The following TENM3 variants were observed in gnomAD, a reference collection of about 807,000 sequenced individuals.
The protein encoded by TENM3 is teneurin transmembrane protein 3, also known as teneurin-3.
Under a neutral mutation model 255.1 loss-of-function variants are expected in TENM3, and 63 were observed. The observed-to-expected ratio is 0.25, with a 90% CI of 0.20 to 0.30. The LOEUF is 0.30. Among genes scored for constraint, TENM3 ranks in the 10% least tolerant of loss-of-function variants. The pLI, the probability that TENM3 is intolerant of heterozygous loss-of-function variation, is 1.00. For missense variants in TENM3, 2,929 were observed against 3,461.1 expected, an observed-to-expected ratio of 0.85 and a Z score of 3.86; for synonymous variants, 1,306 against 1,322.3, an observed-to-expected ratio of 0.99 and a Z score of 0.27.
intron 1 of TENM3, among the ~76,000 whole-genome samples, chr4:182,233,740 G>C (rs1265621260): frequency 6.6e-6 from 1 of 152,194 alleles, no homozygotes; most frequent in Non-Finnish European, 1.5e-5. Flanking sequence ...CAATGTCCTA[G>C]GTGACAAGAT....
At chr4:181,515,207 T>G in the TENM3 span, among the ~76,000 whole-genome samples, 1 of 152,232 alleles carries the variant, frequency 6.6e-6, no homozygotes, top group Non-Finnish European at 1.5e-5. Flanking sequence ...TTGCCTCTGC[T>G]TTCCCCCGGC....
At chr4:181,459,304 A>G in the TENM3 span, among the ~76,000 whole-genome samples, 1 of 151,988 alleles carries the variant, frequency 6.6e-6, no homozygotes. Flanking sequence ...CCAGAGCATG[A>G]CTTGCCTTTT....
rs762401205 is a variant in TENM3, at chr4:182,737,091, A to G, written c.3235+16A>G. ...GAAGCTGTTGGTAAGTTCCATATAA[A>G]TCTTTGCTGCAGTGAAGTTTTTCTC... On this transcript the variant is annotated intron_variant, in intron 17 of 27. Coordinates refer to ENST00000511685, the MANE Select transcript of TENM3 (RefSeq NM_001080477.4). The G allele has an allele frequency of 6.2e-7, 1 of 1,602,404 alleles. No homozygotes were observed. The highest frequency in any genetic ancestry group is 8.5e-7 in the Non-Finnish European group (1 of 1,175,012).
At chr4:181,504,639 G>A in the TENM3 span, among the ~76,000 whole-genome samples, 2 of 152,140 alleles carry the variant, frequency 1.3e-5, no homozygotes, top group African/African-American at 4.8e-5. Context: ...CCAGTTAGCT[G>A]AATAGGCTTC....
chr4:182,532,292 A>G (rs1739854159), intron 3 of TENM3, among the ~76,000 whole-genome samples: 2 of 152,168 alleles, frequency 1.3e-5, no homozygotes, highest in Admixed American at 1.3e-4. Flanking sequence ...AAAACCTACC[A>G]TTTTGAAGAT....
At chr4:182,447,718 TTGTGA>T (rs1357432346) in intron 3 of TENM3, among the ~76,000 whole-genome samples, 1 of 152,170 alleles carries the variant, frequency 6.6e-6, no homozygotes, top group African/African-American at 2.4e-5. Flanking sequence ...GATACTGGTA[TTGTGA>T]TGTAAGGTGC....
chr4:181,544,402 C>G, the TENM3 span, among the ~76,000 whole-genome samples: 1 of 57,334 alleles, frequency 1.7e-5, no homozygotes, highest in African/African-American at 6.3e-5. Flanking sequence ...TTCTTTCCTT[C>G]AGGATTAAAA....
chr4:181,705,441 G>A, the TENM3 span, among the ~76,000 whole-genome samples: 1 of 152,182 alleles, frequency 6.6e-6, no homozygotes, highest in African/African-American at 2.4e-5. Context: ...GCAGGACAAA[G>A]TATAACTAAC....
At chr4:181,526,842 A>G in the TENM3 span, among the ~76,000 whole-genome samples, 1 of 152,108 alleles carries the variant, frequency 6.6e-6, no homozygotes, top group South Asian at 2.1e-4. Flanking sequence ...TTTTTCTCCG[A>G]GCTTCTCTCT....
At chr4:181,483,250 GT>G in the TENM3 span, among the ~76,000 whole-genome samples, 59 of 151,968 alleles carry the variant, frequency 3.9e-4, no homozygotes, top group African/African-American at 1.4e-3. Flanking sequence ...TTGGGAACGT[GT>G]TTTTTTAATT....
At chr4:181,931,877 T>C in the TENM3 span, among the ~76,000 whole-genome samples, 8 of 152,146 alleles carry the variant, frequency 5.3e-5, no homozygotes, top group Admixed American at 5.2e-4. Context: ...TCTACAACCA[T>C]CTGATCTTTG....
At chr4:181,723,228 C>A in the TENM3 span, among the ~76,000 whole-genome samples, 14 of 151,094 alleles carry the variant, frequency 9.3e-5, 1 homozygote, top group South Asian at 3.0e-3. Context: ...AGTCAGCCCT[C>A]GGAATTGTCT....
chr4:182,286,839 A>G (rs1475203990), intron 1 of TENM3, among the ~76,000 whole-genome samples: 1 of 151,954 alleles, frequency 6.6e-6, no homozygotes, highest in Non-Finnish European at 1.5e-5. Context: ...CGTGTGGTCC[A>G]CTCTACACTT....
chr4:182,592,178 G>A (rs1054809271), intron 3 of TENM3, among the ~76,000 whole-genome samples: 11 of 148,370 alleles, frequency 7.4e-5, no homozygotes, highest in Admixed American at 1.3e-4. Context: ...TAAAGGAATG[G>A]ATTATAATAC....
chr4:182,338,356 T>C (rs1764270894), intron 2 of TENM3, among the ~76,000 whole-genome samples: 1 of 152,146 alleles, frequency 6.6e-6, no homozygotes. Context: ...ATATACAACA[T>C]ATCCAGGACT....
At chr4:182,461,556 T>C (rs2151391031) in intron 3 of TENM3, among the ~76,000 whole-genome samples, 1 of 152,142 alleles carries the variant, frequency 6.6e-6, no homozygotes, top group Admixed American at 6.5e-5. Context: ...AGTAGTACGG[T>C]GTGTTTGGGG....
intron 1 of TENM3, among the ~76,000 whole-genome samples, chr4:182,229,806 A>G (rs576470675): frequency 1.8e-4 from 27 of 152,316 alleles, no homozygotes; most frequent in African/African-American, 6.3e-4. Flanking sequence ...TAAGAGTAAC[A>G]AAGAATTTCC....
intron 4 of TENM3, among the ~76,000 whole-genome samples, chr4:182,620,129 C>G (rs181346332): frequency 1.0e-3 from 157 of 152,230 alleles, no homozygotes; most frequent in African/African-American, 3.8e-3. Context: ...TATGACTCGG[C>G]AGAGTCACAG....
the TENM3 span, among the ~76,000 whole-genome samples, chr4:181,632,656 C>A: frequency 6.6e-6 from 1 of 152,122 alleles, no homozygotes; most frequent in Non-Finnish European, 1.5e-5. Flanking sequence ...GTTTCTGCCT[C>A]AGTGTGAATC....
Sources: gnomAD v4.1 joint callset for allele counts (sites outside exome capture counted in the v4.1 genomes callset) on GRCh38, gnomAD v4.1.1 for gene constraint, MANE v1.5 for transcripts, NCBI Gene and HGNC (gene_info 2026-07-23, HGNC 2026-07-21) for gene names.